Variants in LUZP2 observed in about 807,000 individuals in gnomAD.
LUZP2 encodes the protein leucine zipper protein 2.
In LUZP2, 52 loss-of-function variants were observed where a neutral mutation model predicts 51.6. The ratio of observed to expected loss-of-function variants is 1.01; its 90% CI spans 0.81 to 1.27. The LOEUF is 1.27. LUZP2 is among the 50% of genes most tolerant of loss of function. The probability of loss-of-function intolerance (pLI) is 0.00; values close to 1 mark genes in which losing one functional copy is unlikely to be tolerated. For synonymous variants in LUZP2, 154 were observed against 137.3 expected, an observed-to-expected ratio of 1.12 and a Z score of -0.85; for missense variants, 436 against 395.4, an observed-to-expected ratio of 1.10 and a Z score of -0.87.
chr11:25,075,441 A>G (rs555300497), intron 10 of LUZP2, among the ~76,000 whole-genome samples: 1 of 152,322 alleles, frequency 6.6e-6, no homozygotes, highest in Non-Finnish European at 1.5e-5. Flanking sequence ...CCAATATTTT[A>G]AAATTATTTA....
intron 7 of LUZP2, among the ~76,000 whole-genome samples, chr11:24,948,119 T>C (rs1350841200): frequency 6.6e-6 from 1 of 151,852 alleles, no homozygotes; most frequent in Non-Finnish European, 1.5e-5. Flanking sequence ...TTCTTTTTTC[T>C]CTGTTTCCTC....
intron 10 of LUZP2, among the ~76,000 whole-genome samples, chr11:25,056,420 C>G (rs1858685380): frequency 6.6e-6 from 1 of 152,084 alleles, no homozygotes; most frequent in Non-Finnish European, 1.5e-5. Flanking sequence ...ACCACCCTGA[C>G]AGCTGATAGG....
intron 5 of LUZP2, among the ~76,000 whole-genome samples, chr11:24,805,389 G>A (rs146663231): frequency 0.011 from 1,736 of 152,184 alleles, 36 homozygotes; most frequent in African/African-American, 0.039. Context: ...TGGGGACACA[G>A]CCAAACCATA....
At chr11:24,882,435 C>T (rs954532882) in intron 5 of LUZP2, among the ~76,000 whole-genome samples, 1 of 152,008 alleles carries the variant, frequency 6.6e-6, no homozygotes, top group African/African-American at 2.4e-5. Context: ...AATAAACCAA[C>T]ATTGAAACGT....
At chr11:24,768,639 G>A (rs572703626) in intron 5 of LUZP2, among the ~76,000 whole-genome samples, 2 of 152,054 alleles carry the variant, frequency 1.3e-5, no homozygotes, top group African/African-American at 2.4e-5. Flanking sequence ...TGCCCAAAAG[G>A]TAAATAAAAA....
chr11:24,671,557 G>A (rs917072539), intron 1 of LUZP2, among the ~76,000 whole-genome samples: 1 of 126,932 alleles, frequency 7.9e-6, no homozygotes, highest in African/African-American at 3.1e-5. Flanking sequence ...TTTTCTCTCT[G>A]TCTTACACAC....
intron 1 of LUZP2, among the ~76,000 whole-genome samples, chr11:24,622,589 T>TA (rs1396402489): frequency 1.3e-5 from 2 of 152,190 alleles, no homozygotes; most frequent in African/African-American, 2.4e-5. Flanking sequence ...CTCAGGGTTT[T>TA]ATCTCTAAGT....
intron 1 of LUZP2, among the ~76,000 whole-genome samples, chr11:24,625,040 A>G (rs1854630182): frequency 6.6e-6 from 1 of 152,172 alleles, no homozygotes; most frequent in South Asian, 2.1e-4. Context: ...TGCCATTGAC[A>G]TGGATGAAAC....
chr11:24,753,281 G>A (rs957190205), intron 4 of LUZP2, among the ~76,000 whole-genome samples: 4 of 152,116 alleles, frequency 2.6e-5, no homozygotes, highest in East Asian at 1.9e-4. Context: ...TGACTAAGGC[G>A]AGAAATAGGG....
chr11:24,516,931 C>T (rs780626012), intron 1 of LUZP2, among the ~76,000 whole-genome samples: 4 of 152,106 alleles, frequency 2.6e-5, no homozygotes, highest in Admixed American at 6.5e-5. Flanking sequence ...TTTACATACT[C>T]AAGAAATAAA....
At chr11:25,072,566 G>A (rs1051721977) in intron 10 of LUZP2, among the ~76,000 whole-genome samples, 33 of 152,030 alleles carry the variant, frequency 2.2e-4, no homozygotes, top group African/African-American at 7.7e-4. Context: ...AATAGTTTTC[G>A]ATAAAATTAT....
chr11:24,901,698 T>G (rs924943556), intron 5 of LUZP2, among the ~76,000 whole-genome samples: 14 of 152,262 alleles, frequency 9.2e-5, no homozygotes, highest in Admixed American at 2.6e-4. Context: ...CCTGATCAAG[T>G]GGCTTTCAGA....
chr11:24,949,200 C>T (rs979593721), intron 7 of LUZP2, among the ~76,000 whole-genome samples: 1 of 151,344 alleles, frequency 6.6e-6, no homozygotes, highest in African/African-American at 2.4e-5. Context: ...CTTTTCCACT[C>T]TTTGTTTTGT....
chr11:25,024,233 G>T (rs528878751), intron 9 of LUZP2, among the ~76,000 whole-genome samples: 2 of 152,114 alleles, frequency 1.3e-5, no homozygotes, highest in African/African-American at 4.8e-5. Flanking sequence ...TTGAAAACTG[G>T]CACAAGACAG....
At chr11:24,640,527 T>C (rs1295696694) in intron 1 of LUZP2, among the ~76,000 whole-genome samples, 2 of 151,972 alleles carry the variant, frequency 1.3e-5, no homozygotes, top group East Asian at 3.9e-4. Context: ...ACATGACTTT[T>C]TTCTGTCTAT....
At chr11:24,819,011 A>G (rs1001298190) in intron 5 of LUZP2, among the ~76,000 whole-genome samples, 10 of 152,114 alleles carry the variant, frequency 6.6e-5, no homozygotes, top group Admixed American at 6.6e-4. Context: ...TTGAAATACT[A>G]TTAATCTTAT....
intron 5 of LUZP2, among the ~76,000 whole-genome samples, chr11:24,839,325 A>C (rs1850954324): frequency 6.6e-6 from 1 of 151,732 alleles, no homozygotes; most frequent in Non-Finnish European, 1.5e-5. Context: ...TACTAGTTTT[A>C]GAAATAGGTC....
At chr11:24,867,034 T>C (rs1488296169) in intron 5 of LUZP2, among the ~76,000 whole-genome samples, 1 of 152,166 alleles carries the variant, frequency 6.6e-6, no homozygotes, top group Non-Finnish European at 1.5e-5. Context: ...GTAATTCAAC[T>C]TGACTTCAAA....
At chr11:24,687,919 G>A (rs1856942578) in intron 1 of LUZP2, among the ~76,000 whole-genome samples, 1 of 151,978 alleles carries the variant, frequency 6.6e-6, no homozygotes, top group Non-Finnish European at 1.5e-5. Context: ...TCTCTTCCTG[G>A]GCACAGCACC....
Sources: gnomAD v4.1 joint callset for allele counts (sites outside exome capture counted in the v4.1 genomes callset) on GRCh38, gnomAD v4.1.1 for gene constraint, MANE v1.5 for transcripts, NCBI Gene and HGNC (gene_info 2026-07-23, HGNC 2026-07-21) for gene names.